Variants in RASSF8 observed in about 807,000 individuals in gnomAD.
RASSF8 encodes ras association domain-containing protein 8.
A neutral mutation model predicts 48.5 loss-of-function variants in RASSF8; 22 were observed. That is an observed-to-expected ratio of 0.45 (90% CI 0.32 to 0.65). The LOEUF is 0.65. Among genes scored for constraint, RASSF8 ranks in the 30% least tolerant of loss-of-function variants. The probability of loss-of-function intolerance (pLI) is 0.03; values close to 1 mark genes in which losing one functional copy is unlikely to be tolerated. For synonymous variants in RASSF8, 127 were observed against 171.5 expected (o/e 0.74, Z 2.03); for missense variants, 418 against 489.2 (o/e 0.85, Z 1.37).
At chr12:25,994,279 A>T (rs55870204) in intron 1 of RASSF8, among the ~76,000 whole-genome samples, 117 of 3,820 alleles carry the variant, frequency 0.031, no homozygotes, top group African/African-American at 0.051. Flanking sequence ...ATAGATTTTT[A>T]AAAAAAAAAA....
intron 2 of RASSF8, chr12:26,011,944 T>A (rs1942536618): frequency 6.6e-6 from 1 of 152,252 alleles, no homozygotes; most frequent in Admixed American, 6.5e-5. Context: ...TAAAGCTTTG[T>A]TATTTTATGC....
At chr12:26,011,857 A>G (rs1942532962) in intron 2 of RASSF8, 1 of 152,198 alleles carries the variant, frequency 6.6e-6, no homozygotes, top group Admixed American at 6.5e-5. Context: ...TAAGCCACCC[A>G]GTTTATGGTA....
At chr12:26,055,121 CTG>C in intron 2 of RASSF8, 113 bp from the exon 3 acceptor site, 1 of 505,628 alleles carries the variant, frequency 2.0e-6, no homozygotes. Context: ...TAAAATAAGC[CTG>C]TGTACTTCAG....
chr12:26,053,139 A>G (rs1943528489), intron 2 of RASSF8: 1 of 151,944 alleles, frequency 6.6e-6, no homozygotes, highest in Admixed American at 6.6e-5. Flanking sequence ...TGTATCATGT[A>G]CTTAAAAATG....
At chr12:25,997,006 A>G (rs568539770) in intron 2 of RASSF8, among the ~76,000 whole-genome samples, 2 of 152,180 alleles carry the variant, frequency 1.3e-5, no homozygotes, top group African/African-American at 4.8e-5. Context: ...TGCAATCAGA[A>G]TAGCTTTCTA....
intron 1 of RASSF8, among the ~76,000 whole-genome samples, chr12:25,970,181 G>T (rs1471835261): frequency 6.7e-6 from 1 of 150,356 alleles, no homozygotes; most frequent in Non-Finnish European, 1.5e-5. Flanking sequence ...AAGAATTTCT[G>T]TTATGAGTGA....
intron 1 of RASSF8, among the ~76,000 whole-genome samples, chr12:25,960,169 A>G (rs1282023758): frequency 2.0e-5 from 3 of 152,216 alleles, no homozygotes; most frequent in Admixed American, 1.3e-4. Flanking sequence ...TAAAATATGT[A>G]TAAATCTCTG....
intron 1 of RASSF8, among the ~76,000 whole-genome samples, chr12:25,977,076 G>A (rs1335400887): frequency 6.6e-6 from 1 of 152,170 alleles, no homozygotes; most frequent in Non-Finnish European, 1.5e-5. Flanking sequence ...AAATAATCAG[G>A]TCTGGCAATT....
intron 1 of RASSF8, among the ~76,000 whole-genome samples, chr12:25,985,850 T>G (rs1478189862): frequency 6.6e-6 from 1 of 152,230 alleles, no homozygotes; most frequent in Non-Finnish European, 1.5e-5. Flanking sequence ...AGGGCTGGAT[T>G]CGTATGCTGA....
At chr12:25,981,774 A>T (rs1320503734) in intron 1 of RASSF8, among the ~76,000 whole-genome samples, 1 of 152,222 alleles carries the variant, frequency 6.6e-6, no homozygotes, top group Non-Finnish European at 1.5e-5. Flanking sequence ...AATGATCTTT[A>T]CTGTTGCTGT....
intron 2 of RASSF8, among the ~76,000 whole-genome samples, chr12:26,034,317 G>A (rs2137121422): frequency 1.3e-5 from 2 of 151,900 alleles, no homozygotes; most frequent in African/African-American, 4.8e-5. Context: ...CTAGGACAGA[G>A]GTGTTCAATC....
chr12:26,006,456 C>T (rs770499368), intron 2 of RASSF8, among the ~76,000 whole-genome samples: 5 of 152,150 alleles, frequency 3.3e-5, no homozygotes. Context: ...AAGGACTTAG[C>T]ATGTAAGCAA....
At chr12:26,023,517 A>G (rs891373776) in intron 2 of RASSF8, among the ~76,000 whole-genome samples, 2 of 152,230 alleles carry the variant, frequency 1.3e-5, no homozygotes, top group African/African-American at 4.8e-5. Context: ...TTAACTAACA[A>G]TTTTATGCAA....
In RASSF8 at chr12:26,072,215, A is replaced by G. The variant is rs1944013995; in HGVS notation, c.*3397A>G. On this transcript the variant is annotated 3_prime_UTR_variant, in exon 6 of 6. Transcript: ENST00000689635. ...GTTTATATTGTGTTAAAATTAGCTT[A>G]TAATTATTACTTTTGTATTGTGTTC... is the stretch of plus-strand genomic sequence containing the variant. 6.2e-6 allele frequency: 6 copies of G among 969,782 alleles called. No individual in the cohort carries two copies. In the South Asian group the frequency reaches 2.9e-4, roughly 46 times the overall value. 60.1% of individuals were successfully genotyped at this position (969,782 alleles called of 1,614,324 possible). A position where few individuals can be genotyped will look rare whatever the true frequency, so the allele number is the denominator to read the frequency against.
intron 2 of RASSF8, among the ~76,000 whole-genome samples, chr12:26,027,088 G>C (rs930385389): frequency 9.8e-5 from 15 of 152,346 alleles, no homozygotes; most frequent in African/African-American, 3.6e-4. Flanking sequence ...CAATATGGAT[G>C]ATTCTTGACC....
intron 2 of RASSF8, among the ~76,000 whole-genome samples, chr12:26,050,494 C>T (rs553856819): frequency 2.4e-4 from 37 of 152,212 alleles, no homozygotes; most frequent in African/African-American, 8.2e-4. Context: ...GAAAAATATG[C>T]GTCTTGACTC....
intron 3 of RASSF8, among the ~76,000 whole-genome samples, chr12:26,060,699 C>T (rs1439498589): frequency 6.6e-6 from 1 of 152,054 alleles, no homozygotes; most frequent in Non-Finnish European, 1.5e-5. Flanking sequence ...GCATAAGAGT[C>T]CTGGACTGTG....
chr12:25,958,563 G>A (rs1470357394), upstream of RASSF8: 1 of 148,424 alleles, frequency 6.7e-6, no homozygotes, highest in East Asian at 2.0e-4. Context: ...GCCCGGCCGA[G>A]GGGGGCGCCC....
chr12:26,046,830 ATATAGT>A (rs78368111), intron 2 of RASSF8, among the ~76,000 whole-genome samples: 2,210 of 152,352 alleles, frequency 0.015, 21 homozygotes, highest in Non-Finnish European at 0.023. Flanking sequence ...AATATCACAG[ATATAGT>A]TATACTTAAA....
Sources: allele counts gnomAD v4.1 joint callset (sites outside exome capture counted in the v4.1 genomes callset), GRCh38; gene constraint gnomAD v4.1.1; transcripts MANE v1.5; gene names NCBI Gene and HGNC (gene_info 2026-07-23, HGNC 2026-07-21).